The following TCF4 variants were observed in gnomAD, a reference collection of about 807,000 sequenced individuals.
TCF4 encodes transcription factor 4.
In TCF4, 3 loss-of-function variants were observed where a neutral mutation model predicts 82.1. The ratio of observed to expected loss-of-function variants is 0.04; its 90% CI spans 0.02 to 0.09. TCF4 has a LOEUF of 0.09. Ranked by LOEUF, TCF4 falls within the 10% of genes least tolerant of loss-of-function variation. TCF4 has a pLI of 1.00. For synonymous variants in TCF4, 276 were observed against 309.6 expected (o/e 0.89, Z 1.14); for missense variants, 518 against 852.7 (o/e 0.61, Z 4.89).
chr18:55,438,005 A>T (rs967472424), intron 5 of TCF4, among the ~76,000 whole-genome samples: 1 of 152,172 alleles, frequency 6.6e-6, no homozygotes, highest in African/African-American at 2.4e-5. Flanking sequence ...GTTTGAGACC[A>T]GCCTGGCCAA....
At chr18:55,299,144 C>T (rs1362645812) in intron 8 of TCF4, among the ~76,000 whole-genome samples, 2 of 152,074 alleles carry the variant, frequency 1.3e-5, no homozygotes, top group Non-Finnish European at 2.9e-5. Flanking sequence ...GGTGTGGTGG[C>T]TCACGCCTAT....
At chr18:55,390,286 TAAAAAAAAAAAAAA>T (rs56965997) in intron 6 of TCF4, among the ~76,000 whole-genome samples, 3 of 82,236 alleles carry the variant, frequency 3.6e-5, no homozygotes, top group East Asian at 4.1e-4. Flanking sequence ...CCCTGACTCT[TAAAAAAAAAAAAAA>T]AAAAAAAAAA....
chr18:55,272,343 G>T (rs890872867), intron 10 of TCF4, among the ~76,000 whole-genome samples: 3 of 152,032 alleles, frequency 2.0e-5, no homozygotes, highest in Admixed American at 6.6e-5. Flanking sequence ...ACACCACAGA[G>T]AATAATGTCT....
At chr18:55,368,065 T>C (rs1159392277) in intron 6 of TCF4, among the ~76,000 whole-genome samples, 2 of 152,116 alleles carry the variant, frequency 1.3e-5, no homozygotes, top group Non-Finnish European at 2.9e-5. Context: ...GCAAATAACA[T>C]ATCCAAGATT....
rs942084554 is a variant in TCF4, at chr18:55,224,769, A to G, written c.*3266T>C. On this transcript the variant is annotated 3_prime_UTR_variant, in exon 20 of 20. Coordinates refer to ENST00000354452, the MANE Select transcript of TCF4 (RefSeq NM_001083962.2). ...AGTGTTCCTTGCAGCTACACAGAAGACAAATGGTAAAAATTTCTAGATGAA... is the reference window on the plus strand; with the variant it reads ...AGTGTTCCTTGCAGCTACACAGAAGGCAAATGGTAAAAATTTCTAGATGAA... The G allele has an allele frequency of 6.6e-6, 1 of 152,628 alleles. No individual in the cohort carries two copies. Among genetic ancestry groups the G allele is most frequent in the Non-Finnish European group, 1.5e-5 (1 of 68,022 alleles). 9.5% of individuals were successfully genotyped at this position (152,628 alleles called of 1,614,324 possible).
intron 5 of TCF4, among the ~76,000 whole-genome samples, chr18:55,444,513 T>A (rs1047354399): frequency 2.0e-5 from 3 of 152,160 alleles, no homozygotes; most frequent in Non-Finnish European, 4.4e-5. Flanking sequence ...AAGATTAGCA[T>A]CCTTCAAAAC....
chr18:55,363,248 G>A (rs565345890), intron 6 of TCF4, among the ~76,000 whole-genome samples: 15 of 152,106 alleles, frequency 9.9e-5, no homozygotes, highest in Non-Finnish European at 1.6e-4. Flanking sequence ...GATTTATGGC[G>A]AGGCTGTCAT....
At chr18:55,543,105 A>C (rs1211219669) in intron 3 of TCF4, among the ~76,000 whole-genome samples, 1 of 152,100 alleles carries the variant, frequency 6.6e-6, no homozygotes, top group African/African-American at 2.4e-5. Context: ...AAATGGGATG[A>C]AATTAGTATC....
chr18:55,323,849 C>A (rs1032592724), intron 8 of TCF4, among the ~76,000 whole-genome samples: 2 of 152,186 alleles, frequency 1.3e-5, no homozygotes, highest in African/African-American at 4.8e-5. Context: ...TAGATCCTAA[C>A]TTTCCATGGG....
intron 6 of TCF4, among the ~76,000 whole-genome samples, chr18:55,367,106 G>A (rs1381511388): frequency 1.3e-5 from 2 of 152,138 alleles, no homozygotes; most frequent in Non-Finnish European, 2.9e-5. Flanking sequence ...TCTTTGCTCT[G>A]TAATACGTGT....
intron 8 of TCF4, among the ~76,000 whole-genome samples, chr18:55,340,704 C>T (rs184705137): frequency 6.6e-6 from 1 of 151,412 alleles, no homozygotes; most frequent in African/African-American, 2.4e-5. Flanking sequence ...CTACTGCTAA[C>T]TACTCCTAAG....
chr18:55,625,918 G>T (rs965573416), intron 2 of TCF4, among the ~76,000 whole-genome samples: 4 of 152,152 alleles, frequency 2.6e-5, no homozygotes, highest in African/African-American at 7.2e-5. Context: ...TCAGATTCAG[G>T]CAAGTGGACT....
intron 5 of TCF4, among the ~76,000 whole-genome samples, chr18:55,407,624 G>A (rs1448656323): frequency 2.1e-5 from 3 of 145,974 alleles, no homozygotes; most frequent in Non-Finnish European, 4.5e-5. Flanking sequence ...ACTAATATGA[G>A]CAGGAAAGGC....
Position 55,456,554 on chromosome 18 carries a change from A to G in TCF4, c.304+4465T>C, listed in dbSNP as rs530942220. Among the ~76,000 whole-genome samples the G allele has an allele frequency of 7.9e-5, 12 of 152,324 alleles. No homozygotes were observed. In the South Asian group the frequency reaches 2.5e-3, roughly 32 times the overall value. On this transcript the variant is annotated intron_variant, in intron 5 of 19. Coordinates refer to ENST00000354452, the MANE Select transcript of TCF4 (RefSeq NM_001083962.2). Reference sequence around the variant, plus strand: ...TCACTTATCCTCAATCTAGCTTTCAATCGATGCTCTGGAATAATAAAAGGA... The same window carrying G: ...TCACTTATCCTCAATCTAGCTTTCAGTCGATGCTCTGGAATAATAAAAGGA...
chr18:55,283,522 A>G (rs1054437291), intron 8 of TCF4, among the ~76,000 whole-genome samples: 11 of 152,198 alleles, frequency 7.2e-5, no homozygotes, highest in African/African-American at 2.7e-4. Flanking sequence ...AGAGTTCCAC[A>G]TACATTATAT....
rs2095131668 is a variant in TCF4 at position 55,429,872 on chromosome 18, A to AGGTCTTGACAT, written c.305-26365_305-26355dup. ...CCAAATCCTGAAGATTCCACTATTT[A>AGGTCTTGACAT]GGTCTTGACATGATCTATCAGAAAC... On this transcript the variant is annotated intron_variant, in intron 5 of 19. Transcript: ENST00000354452. Among the ~76,000 whole-genome samples, 8 of 148,700 alleles carry AGGTCTTGACAT rather than the reference A, an allele frequency of 5.4e-5. No homozygotes were observed. The South Asian group carries it at 1.7e-3, about 32-fold the overall frequency.
At chr18:55,338,303 C>G (rs77115329) in intron 8 of TCF4, among the ~76,000 whole-genome samples, 2,709 of 152,294 alleles carry the variant, frequency 0.018, 74 homozygotes, top group African/African-American at 0.059. Flanking sequence ...GAGGGACTCT[C>G]TCCTGGCCCT....
chr18:55,418,811 A>G (rs571351837), intron 5 of TCF4, among the ~76,000 whole-genome samples: 1 of 152,304 alleles, frequency 6.6e-6, no homozygotes, highest in South Asian at 2.1e-4. Flanking sequence ...TTTATAGATT[A>G]TACATTTTTA....
At chr18:55,592,549 T>G (rs2097686716), upstream of TCF4, among the ~76,000 whole-genome samples, 1 of 152,088 alleles carries the variant, frequency 6.6e-6, no homozygotes. Context: ...TACTAGCACA[T>G]TGGGAATTAG....
Sources: gnomAD v4.1 joint callset for allele counts (sites outside exome capture counted in the v4.1 genomes callset) on GRCh38, gnomAD v4.1.1 for gene constraint, MANE v1.5 for transcripts, NCBI Gene and HGNC (gene_info 2026-07-23, HGNC 2026-07-21) for gene names.